The following ASPSCR1 variants were observed in gnomAD, a reference collection of about 807,000 sequenced individuals.
The protein encoded by ASPSCR1 is tether containing UBX domain for GLUT4.
ASPSCR1 carries 55 observed loss-of-function variants against 68.9 expected under a neutral mutation model. The ratio of observed to expected loss-of-function variants is 0.80; its 90% CI spans 0.64 to 1.00. The LOEUF is 1.00. Ranked by LOEUF, ASPSCR1 falls within the 50% of genes least tolerant of loss-of-function variation. The pLI, the probability that ASPSCR1 is intolerant of heterozygous loss-of-function variation, is 0.00. For synonymous variants in ASPSCR1, 352 were observed against 332.6 expected (o/e 1.06, Z -0.63); for missense variants, 765 against 762.2 (o/e 1.00, Z -0.04).
intron 7 of ASPSCR1, among the ~76,000 whole-genome samples, chr17:82,000,809 C>T (rs911230304): frequency 1.3e-5 from 2 of 152,006 alleles, no homozygotes; most frequent in Non-Finnish European, 2.9e-5. Flanking sequence ...TGGGGCTGCC[C>T]GGCGCCCCCT....
chr17:82,011,720 T>G, intron 11 of ASPSCR1, 115 bp downstream of exon 11: 2 of 1,187,610 alleles, frequency 1.7e-6, no homozygotes, highest in Non-Finnish European at 2.4e-6. Flanking sequence ...GAGCAGCATC[T>G]GTGGCCTCCC....
intron 1 of ASPSCR1, chr17:81,978,827 C>G (rs933229710): frequency 2.9e-6 from 1 of 340,948 alleles, no homozygotes; most frequent in African/African-American, 2.1e-5. Flanking sequence ...GTGCCAGAGC[C>G]AGGGGGTAGC....
intron 9 of ASPSCR1, chr17:82,009,819 C>T (rs543837623): frequency 1.8e-5 from 7 of 386,032 alleles, no homozygotes; most frequent in South Asian, 5.2e-5. Context: ...GACGTGGGGG[C>T]GACTGAGGCA....
In ASPSCR1 at chr17:82,016,513, C is replaced by T; in HGVS notation, c.1391C>T (p.Ala464Val). The change falls in exon 13 of 16, where the codon GCC (alanine) becomes GTC (valine). Residue 464 changes from alanine to valine, a missense_variant. By Grantham distance (64) the Ala-to-Val change is moderately conservative. Transcript: ENST00000306739. ...LFPAALVHLG[A>V]EEPAGVYLEP... ...CCGGCCGCTCTGGTGCACTTGGGAG[C>T]CGAGGAGCCGGCAGGTGAGTGTCAG... The T allele has an allele frequency of 1.3e-6, 2 of 1,549,238 alleles. No homozygotes were observed. Among genetic ancestry groups the T allele is most frequent in the Non-Finnish European group, 1.7e-6 (2 of 1,147,126 alleles).
At position 81,996,528 on chromosome 17, in the gene ASPSCR1, G is replaced by A. The variant is rs1004550803; in HGVS notation, c.615G>A (p.Gly205=). Reference sequence around the variant, plus strand: ...GCGCTCCACTTCCCTTGGAATCTGGGGAGCTCAGCCGCGGCGACTTGAGCC... The same window carrying A: ...GCGCTCCACTTCCCTTGGAATCTGGAGAGCTCAGCCGCGGCGACTTGAGCC... ...AASAPLPLES[G]ELSRGDLSRP... Residue 205 remains glycine (G), a synonymous_variant, in exon 7 of 16, where the codon GGG becomes GGA. Transcript: ENST00000306739. The A allele has an allele frequency of 2.5e-6, 4 of 1,612,774 alleles. No homozygotes were observed. Among genetic ancestry groups the A allele is most frequent in the Admixed American group, 3.3e-5 (2 of 59,960 alleles).
intron 7 of ASPSCR1, among the ~76,000 whole-genome samples, chr17:81,997,385 G>A (rs1050297317): frequency 6.6e-6 from 1 of 152,066 alleles, no homozygotes. Context: ...GAACGCATCA[G>A]CCAGTCTTCA....
intron 10 of ASPSCR1, among the ~76,000 whole-genome samples, chr17:82,011,168 C>T (rs574235981): frequency 6.0e-4 from 92 of 152,286 alleles, no homozygotes; most frequent in African/African-American, 2.0e-3. Flanking sequence ...GAGGAAGGCA[C>T]CCTACCCCGG....
Position 81,986,065 on chromosome 17 carries a change from A to G in ASPSCR1, c.374+458A>G, listed in dbSNP as rs1349289773. Among the ~76,000 whole-genome samples, 1 of 151,980 alleles carries G rather than the reference A, an allele frequency of 6.6e-6. No individual in the cohort carries two copies. Among genetic ancestry groups the G allele is most frequent in the Non-Finnish European group, 1.5e-5 (1 of 67,994 alleles). ...GAAATTCTCCCATCTCAGCCTCCCA[A>G]AGCGTTGAGATTACAGGTGTGAGCT... is the stretch of plus-strand genomic sequence containing the variant. On this transcript the variant is annotated intron_variant, in intron 4 of 15. Transcript: ENST00000306739. This position sits in a 1 kb window ranked among gnomAD's most constrained non-coding sequence, Gnocchi z 5.2.
chr17:81,984,339 A>G lies in ASPSCR1; in HGVS notation c.273+671A>G, dbSNP rs572905469. ...CAGCCTGTAATCCCAGCACTTTAGG[A>G]GGCCGAGGCGGGCAGATCACCTGAG... On this transcript the variant is annotated intron_variant, in intron 3 of 15. Transcript: ENST00000306739. Among the ~76,000 whole-genome samples the G allele has an allele frequency of 2.6e-5, 4 of 152,150 alleles. No individual in the cohort carries two copies. In the South Asian group the frequency reaches 6.2e-4, roughly 24 times the overall value.
At chr17:81,995,925 C>T (rs973075134) in intron 5 of ASPSCR1, 67 bp from the exon 6 acceptor site, 30 of 1,530,184 alleles carry the variant, frequency 2.0e-5, no homozygotes, top group Middle Eastern at 2.2e-4. Context: ...TGCCGGTGCC[C>T]GGAGGGCTTC....
intron 3 of ASPSCR1, among the ~76,000 whole-genome samples, chr17:81,985,174 C>A (rs778459351): frequency 1.3e-5 from 2 of 150,542 alleles, no homozygotes; most frequent in Non-Finnish European, 3.0e-5. Flanking sequence ...CTGCACACAC[C>A]CACACACCAA....
intron 7 of ASPSCR1, among the ~76,000 whole-genome samples, chr17:81,998,508 A>G (rs1158823662): frequency 1.3e-5 from 2 of 152,174 alleles, no homozygotes. Context: ...AGGAATTACT[A>G]GTCATTTCTC....
intron 5 of ASPSCR1, chr17:81,995,437 C>G (rs1413112929): frequency 4.5e-6 from 1 of 220,082 alleles, no homozygotes; most frequent in Non-Finnish European, 9.0e-6. Flanking sequence ...GGACCCAGGC[C>G]CAGCACTGTC....
intron 2 of ASPSCR1, among the ~76,000 whole-genome samples, chr17:81,979,621 T>A (rs1467088212): frequency 6.6e-6 from 1 of 152,228 alleles, no homozygotes; most frequent in Non-Finnish European, 1.5e-5. Flanking sequence ...CCTAGTAAGA[T>A]GTTCAGAGGT....
chr17:81,994,191 G>C (rs1243152527), intron 4 of ASPSCR1, among the ~76,000 whole-genome samples: 1 of 152,244 alleles, frequency 6.6e-6, no homozygotes, highest in Non-Finnish European at 1.5e-5. Flanking sequence ...ACCCATGCAC[G>C]GGTCCAGCTG....
chr17:81,978,113 CGGGAG>C (rs2143979969), intron 1 of ASPSCR1: 1 of 161,752 alleles, frequency 6.2e-6, no homozygotes, highest in Non-Finnish European at 1.3e-5. Context: ...TCCCCCGGAG[CGGGAG>C]CCCGGGTTGC....
At chr17:82,007,727 G>T (rs987605630) in intron 7 of ASPSCR1, 1 of 152,270 alleles carries the variant, frequency 6.6e-6, no homozygotes, top group African/African-American at 2.4e-5. Context: ...GGCCGCTCAT[G>T]GACATGGCGG....
intron 1 of ASPSCR1, chr17:81,978,637 C>T (rs1328209167): frequency 6.5e-6 from 1 of 154,564 alleles, no homozygotes; most frequent in Non-Finnish European, 1.4e-5. Context: ...GTGGGGTCCC[C>T]AGGCCTGGGC....
rs1487430247 is a variant in ASPSCR1 at position 81,986,031 on chromosome 17, T to C, written c.374+424T>C. Among the ~76,000 whole-genome samples the C allele has an allele frequency of 6.6e-6, 1 of 152,090 alleles. No homozygotes were observed. Among genetic ancestry groups the C allele is most frequent in the Admixed American group, 6.6e-5 (1 of 15,258 alleles). On this transcript the variant is annotated intron_variant, in intron 4 of 15. Transcript: ENST00000306739. The surrounding 1 kb of genome is among the most constrained non-coding windows in gnomAD (Gnocchi z 5.2). ...GTCACCTAGGCTGCTCTTGAACCCA[T>C]GGGCTCAAGAAATTCTCCCATCTCA... is the stretch of plus-strand genomic sequence containing the variant.
Sources: allele counts gnomAD v4.1 joint callset (sites outside exome capture counted in the v4.1 genomes callset), GRCh38; gene constraint gnomAD v4.1.1; non-coding constraint Gnocchi (gnomAD v3.1); transcripts MANE v1.5; gene names NCBI Gene and HGNC (gene_info 2026-07-23, HGNC 2026-07-21).